RARB: variants seen among roughly 807,000 people sequenced by gnomAD.
RARB encodes the protein retinoic acid receptor beta, also known as HBV-activated protein.
In RARB, 17 loss-of-function variants were observed where a neutral mutation model predicts 51.9. That is an observed-to-expected ratio of 0.33 (90% CI 0.22 to 0.49). RARB has a LOEUF of 0.49. RARB is among the 20% of genes least tolerant of loss of function. RARB has a pLI of 0.99. For synonymous variants in RARB, 215 were observed against 195.4 expected (o/e 1.10, Z -0.84); for missense variants, 369 against 550.8 (o/e 0.67, Z 3.30).
At chr3:25,114,744 G>T (rs923934413) in intron 3 of RARB, among the ~76,000 whole-genome samples, 1 of 152,190 alleles carries the variant, frequency 6.6e-6, no homozygotes, top group Non-Finnish European at 1.5e-5. Context: ...AACACCTTCT[G>T]TTGACACCTC....
At chr3:25,483,174 C>T (rs1267643683) in intron 2 of RARB, among the ~76,000 whole-genome samples, 1 of 151,970 alleles carries the variant, frequency 6.6e-6, no homozygotes, top group Non-Finnish European at 1.5e-5. Flanking sequence ...AGACATGGAG[C>T]GAGAGGCAGA....
intron 2 of RARB, among the ~76,000 whole-genome samples, chr3:24,945,223 T>C (rs922737603): frequency 4.6e-5 from 7 of 152,212 alleles, no homozygotes; most frequent in Admixed American, 1.3e-4. Flanking sequence ...TGCAATTTCA[T>C]ATTTGTGTAT....
chr3:25,442,581 T>A (rs1182999601), intron 1 of RARB, among the ~76,000 whole-genome samples: 2 of 152,366 alleles, frequency 1.3e-5, no homozygotes, highest in East Asian at 3.9e-4. Context: ...CCCTTCAGCC[T>A]TTACTCTTCT....
intron 2 of RARB, among the ~76,000 whole-genome samples, chr3:24,946,192 A>G (rs59548990): frequency 0.033 from 4,950 of 149,492 alleles, 216 homozygotes; most frequent in East Asian, 0.099. Flanking sequence ...GTGAACCTGG[A>G]GGCAGAGCTT....
intron 2 of RARB, among the ~76,000 whole-genome samples, chr3:25,494,206 A>G (rs1696887634): frequency 8.3e-6 from 1 of 119,798 alleles, no homozygotes; most frequent in East Asian, 2.4e-4. Context: ...TGGCTTTAAG[A>G]TCTTCCCCAG....
At chr3:24,885,917 A>T (rs964966465) in intron 2 of RARB, among the ~76,000 whole-genome samples, 1 of 152,194 alleles carries the variant, frequency 6.6e-6, no homozygotes, top group African/African-American at 2.4e-5. Context: ...ACATTGCTCT[A>T]TATTTCTGTT....
intron 3 of RARB, among the ~76,000 whole-genome samples, chr3:25,116,101 T>C (rs943462999): frequency 6.6e-6 from 1 of 152,230 alleles, no homozygotes; most frequent in Non-Finnish European, 1.5e-5. Context: ...TCTACTAGTT[T>C]GTATTCTACC....
chr3:25,587,816 A>G (rs1701457430), intron 5 of RARB, among the ~76,000 whole-genome samples: 1 of 152,230 alleles, frequency 6.6e-6, no homozygotes, highest in African/African-American at 2.4e-5. Context: ...GGATCTGCCC[A>G]CATGTTGCCA....
chr3:25,523,809 C>T (rs994280194), intron 3 of RARB, among the ~76,000 whole-genome samples: 5 of 152,214 alleles, frequency 3.3e-5, no homozygotes, highest in Non-Finnish European at 4.4e-5. Flanking sequence ...AACCATAAAA[C>T]TTCTGCAGCA....
intron 5 of RARB, among the ~76,000 whole-genome samples, chr3:25,320,823 G>T (rs999279215): frequency 2.0e-5 from 3 of 152,136 alleles, no homozygotes; most frequent in African/African-American, 7.2e-5. Flanking sequence ...ATCGGCTCCT[G>T]CTTCCTTCAG....
At chr3:25,041,677 A>G (rs892417636) in intron 2 of RARB, among the ~76,000 whole-genome samples, 1 of 152,082 alleles carries the variant, frequency 6.6e-6, no homozygotes, top group African/African-American at 2.4e-5. Flanking sequence ...TCTTAGATTC[A>G]GGGGTTCTTA....
chr3:25,540,451 T>A (rs1699328740), intron 3 of RARB, among the ~76,000 whole-genome samples: 1 of 152,256 alleles, frequency 6.6e-6, no homozygotes, highest in Admixed American at 6.5e-5. Context: ...ATCTGGTTTA[T>A]CAGTGAGCTC....
intron 3 of RARB, among the ~76,000 whole-genome samples, chr3:25,068,853 T>G (rs556112547): frequency 3.0e-4 from 46 of 152,000 alleles, no homozygotes; most frequent in African/African-American, 1.1e-3. Flanking sequence ...TTCTTTATGG[T>G]TAGTATCAGA....
At chr3:25,411,937 G>A (rs1009457883) in intron 5 of RARB, among the ~76,000 whole-genome samples, 14 of 152,208 alleles carry the variant, frequency 9.2e-5, no homozygotes, top group Non-Finnish European at 1.6e-4. Flanking sequence ...AGGCTAGGTA[G>A]GAAGAGGGCA....
chr3:25,465,038 T>G (rs970714334), intron 2 of RARB, among the ~76,000 whole-genome samples: 1 of 152,194 alleles, frequency 6.6e-6, no homozygotes, highest in Admixed American at 6.5e-5. Context: ...TCTCTGAAAA[T>G]TTCCTTAGGA....
In RARB at chr3:25,258,544, T is replaced by C. The variant is rs554894397; in HGVS notation, c.178+83969T>C. On this transcript the variant is annotated intron_variant, in intron 5 of 11. Coordinates refer to the RARB transcript ENST00000383772. ...GTTTGTGGTCCTCAGCCCAGGGGAG[T>C]ACCAACCCTGAAGTGGGCATTTGGA... Among the ~76,000 whole-genome samples the C allele has an allele frequency of 2.0e-5, 3 of 152,032 alleles. No individual in the cohort carries two copies. The South Asian group carries it at 6.2e-4, about 32-fold the overall frequency.
chr3:25,271,164 A>T (rs909993658), intron 5 of RARB, among the ~76,000 whole-genome samples: 7 of 152,220 alleles, frequency 4.6e-5, no homozygotes, highest in African/African-American at 1.7e-4. Flanking sequence ...TTACGATGGA[A>T]TATGGCTTTA....
chr3:25,334,867 TTCA>T (rs1705018530), intron 5 of RARB, among the ~76,000 whole-genome samples: 1 of 152,230 alleles, frequency 6.6e-6, no homozygotes, highest in Non-Finnish European at 1.5e-5. Flanking sequence ...AAAAGAAATA[TTCA>T]TCATGGCTTC....
At chr3:25,273,695 G>C (rs145425988) in intron 5 of RARB, among the ~76,000 whole-genome samples, 36 of 152,302 alleles carry the variant, frequency 2.4e-4, no homozygotes, top group African/African-American at 8.4e-4. Context: ...ACTGCTTATG[G>C]TTTCATATTG....
Sources: gnomAD v4.1 joint callset for allele counts (sites outside exome capture counted in the v4.1 genomes callset) on GRCh38, gnomAD v4.1.1 for gene constraint, MANE v1.5 for transcripts, NCBI Gene and HGNC (gene_info 2026-07-23, HGNC 2026-07-21) for gene names.